FMN2: variants seen among roughly 807,000 people sequenced by gnomAD.
FMN2 encodes formin-2.
Under a neutral mutation model 142.3 loss-of-function variants are expected in FMN2, and 51 were observed. That is an observed-to-expected ratio of 0.36 (90% CI 0.29 to 0.45). FMN2 has a LOEUF of 0.45. FMN2 is among the 20% of genes least tolerant of loss of function. The pLI is 1.00. For missense variants in FMN2, 1,936 were observed against 2,122.8 expected, an observed-to-expected ratio of 0.91 and a Z score of 1.73; for synonymous variants, 882 against 869.8, an observed-to-expected ratio of 1.01 and a Z score of -0.25.
At chr1:240,121,735 T>TAAAAAAAAAAAAAAAAAAAA (rs71168898) in intron 1 of FMN2, among the ~76,000 whole-genome samples, 2 of 25,676 alleles carry the variant, frequency 7.8e-5, no homozygotes, top group Non-Finnish European at 1.3e-4. Context: ...AGGGAAATAG[T>TAAAAAAAAAAAAAAAAAAAA]AAAAAAAAAA....
chr1:240,178,099 TGG>T, intron 3 of FMN2, 31 bp downstream of exon 3: 1 of 1,538,770 alleles, frequency 6.5e-7, no homozygotes, highest in South Asian at 1.3e-5. Flanking sequence ...CAGAGATAAC[TGG>T]AAGAGGCAAG....
intron 4 of FMN2, among the ~76,000 whole-genome samples, chr1:240,190,672 T>C (rs1407413052): frequency 6.6e-6 from 1 of 152,180 alleles, no homozygotes; most frequent in East Asian, 1.9e-4. Context: ...GATTTTATAC[T>C]TATACTATGA....
intron 4 of FMN2, among the ~76,000 whole-genome samples, chr1:240,203,906 AACACAAAAT>A (rs1666226451): frequency 6.6e-6 from 1 of 152,228 alleles, no homozygotes; most frequent in Non-Finnish European, 1.5e-5. Flanking sequence ...CAAAATACAT[AACACAAAAT>A]ACACAAAATA....
At chr1:240,142,086 T>C (rs537101966) in intron 2 of FMN2, among the ~76,000 whole-genome samples, 146 of 152,282 alleles carry the variant, frequency 9.6e-4, no homozygotes, top group South Asian at 2.3e-3. Context: ...TGGATGCAGA[T>C]CAGAAATATA....
chr1:240,446,464 T>C (rs1675819654), intron 16 of FMN2, among the ~76,000 whole-genome samples: 2 of 152,110 alleles, frequency 1.3e-5, no homozygotes, highest in African/African-American at 4.8e-5. Context: ...GCTAAAAGGG[T>C]TTTTTGATGT....
At position 240,126,104 on chromosome 1, in the gene FMN2, C is replaced by T. The variant is rs114150023; in HGVS notation, c.1782+2759C>T. Among the ~76,000 whole-genome samples, 452 of 152,212 alleles carry T rather than the reference C, an allele frequency of 3.0e-3. 3 individuals are homozygous for T. Among genetic ancestry groups the T allele is most frequent in the Non-Finnish European group, 5.0e-3 (341 of 68,022 alleles). ...AACAGAACTATGCGTTCATTGGATG[C>T]GCAGTCAAGGAGTTTCTTGAAAACT... On this transcript the variant is annotated intron_variant, in intron 2 of 17. Coordinates refer to ENST00000319653, the MANE Select transcript of FMN2 (RefSeq NM_020066.5).
chr1:240,336,435 C>G (rs760493578), intron 13 of FMN2, among the ~76,000 whole-genome samples: 1 of 151,564 alleles, frequency 6.6e-6, no homozygotes, highest in African/African-American at 2.4e-5. Context: ...ATTTGTCTGG[C>G]ACAGTATTTT....
chr1:240,275,909 A>G (rs984637506), intron 7 of FMN2, among the ~76,000 whole-genome samples: 2 of 152,136 alleles, frequency 1.3e-5, no homozygotes, highest in Admixed American at 1.3e-4. Flanking sequence ...GTGTCTGTTC[A>G]TATCCTTTGC....
chr1:240,392,487 A>G (rs756681883), intron 14 of FMN2, 24 bp from the exon 15 acceptor site: 2 of 1,601,380 alleles, frequency 1.2e-6, no homozygotes, highest in Non-Finnish European at 1.7e-6. Context: ...TATCTCATGT[A>G]CTTTTATTTT....
chr1:240,334,660 T>TA (rs1407437833), intron 13 of FMN2, among the ~76,000 whole-genome samples: 4 of 145,646 alleles, frequency 2.7e-5, no homozygotes, highest in African/African-American at 1.0e-4. Flanking sequence ...ATCTTCTACT[T>TA]AAAAACCACA....
chr1:240,329,962 A>T (rs530701989), intron 10 of FMN2, among the ~76,000 whole-genome samples: 2 of 152,360 alleles, frequency 1.3e-5, no homozygotes, highest in Admixed American at 6.5e-5. Flanking sequence ...CAATGTTAAC[A>T]TTTAAAACAA....
intron 14 of FMN2, among the ~76,000 whole-genome samples, chr1:240,386,498 C>T (rs1456914170): frequency 2.0e-5 from 3 of 152,124 alleles, no homozygotes; most frequent in Admixed American, 6.6e-5. Flanking sequence ...CTCATGAAAG[C>T]TCAAGATCAG....
At chr1:240,319,151 G>T (rs1054865944) in intron 8 of FMN2, among the ~76,000 whole-genome samples, 1 of 152,106 alleles carries the variant, frequency 6.6e-6, no homozygotes, top group Non-Finnish European at 1.5e-5. Context: ...GATGGAGTGG[G>T]TTCAGCAGAG....
At chr1:240,235,940 T>C (rs746679315) in intron 6 of FMN2, 7 of 152,216 alleles carry the variant, frequency 4.6e-5, no homozygotes, top group Non-Finnish European at 1.0e-4. Flanking sequence ...ATGTTTCTTT[T>C]TTAAGTTTCT....
chr1:240,321,627 A>C (rs971651404), intron 8 of FMN2, among the ~76,000 whole-genome samples: 2 of 152,226 alleles, frequency 1.3e-5, no homozygotes, highest in African/African-American at 4.8e-5. Flanking sequence ...CACTTATCTG[A>C]AAAAGCTATT....
chr1:240,327,282 G>T (rs1671203590), intron 8 of FMN2, among the ~76,000 whole-genome samples: 1 of 152,152 alleles, frequency 6.6e-6, no homozygotes, highest in African/African-American at 2.4e-5. Flanking sequence ...TTCTCTGGCA[G>T]ATCTCTCATC....
chr1:240,438,267 C>T, intron 16 of FMN2, 57 bp downstream of exon 16: 2 of 1,556,598 alleles, frequency 1.3e-6, no homozygotes, highest in Non-Finnish European at 1.7e-6. Flanking sequence ...TTAGGTGTGG[C>T]ACCACTGGGT....
At chr1:240,357,987 A>G (rs752148353) in intron 14 of FMN2, among the ~76,000 whole-genome samples, 2 of 152,146 alleles carry the variant, frequency 1.3e-5, no homozygotes, top group African/African-American at 2.4e-5. Flanking sequence ...AATGAAAACA[A>G]TGTTGTAAGG....
intron 8 of FMN2, among the ~76,000 whole-genome samples, chr1:240,295,100 C>A (rs1329554958): frequency 6.6e-6 from 1 of 151,836 alleles, no homozygotes; most frequent in African/African-American, 2.4e-5. Context: ...AATCATATTG[C>A]ATATGAGGTC....
Sources: allele counts gnomAD v4.1 joint callset (sites outside exome capture counted in the v4.1 genomes callset), GRCh38; gene constraint gnomAD v4.1.1; transcripts MANE v1.5; gene names NCBI Gene and HGNC (gene_info 2026-07-23, HGNC 2026-07-21).